The following NOL10 variants were observed in gnomAD, a reference collection of about 807,000 sequenced individuals.
NOL10 encodes the protein nucleolar protein 10.
NOL10 carries 58 observed loss-of-function variants against 103.5 expected under a neutral mutation model. The observed-to-expected ratio is 0.56, with a 90% confidence interval of 0.45 to 0.70. The LOEUF (loss-of-function observed/expected upper bound fraction) is 0.70. NOL10 is among the 30% of genes least tolerant of loss of function. NOL10 has a pLI of 0.00. For synonymous variants in NOL10, 287 were observed against 282.5 expected, an observed-to-expected ratio of 1.02 and a Z score of -0.16; for missense variants, 763 against 807.3, an observed-to-expected ratio of 0.95 and a Z score of 0.67.
At chr2:10,584,434 A>G (rs1231440212) in intron 19 of NOL10, among the ~76,000 whole-genome samples, 1 of 152,232 alleles carries the variant, frequency 6.6e-6, no homozygotes, top group African/African-American at 2.4e-5. Context: ...CTAAAGCCAT[A>G]TGACCACACC....
intron 13 of NOL10, among the ~76,000 whole-genome samples, chr2:10,636,420 C>CAAAAA (rs70953327): frequency 1.5e-4 from 8 of 54,700 alleles, no homozygotes; most frequent in Admixed American, 3.0e-4. Context: ...TACAAAAAAC[C>CAAAAA]AAAAAAAAAA....
At position 10,572,089 on chromosome 2, in the gene NOL10, T is replaced by A. The variant is rs1264638382; in HGVS notation, c.2049A>T (p.Arg683Ser). The stretch of plus-strand genomic sequence containing the variant: ...TCCCAAATCAATGAAACGACCGTCC[T>A]CTTTTGTGTCTTGACTTCAGGTGTC... ...SAGHLKSRHK[R>S]GRSFH Residue 683 changes from arginine to serine, a missense_variant, in exon 21 of 21, where the codon AGA becomes AGT. By Grantham distance (110) the Arg-to-Ser change is moderately radical. Transcript: ENST00000381685. 6.2e-7 allele frequency: 1 copy of A among 1,613,924 alleles called. No individual in the cohort carries two copies. Among genetic ancestry groups the A allele is most frequent in the Admixed American group, 1.7e-5 (1 of 60,028 alleles).
intron 9 of NOL10, among the ~76,000 whole-genome samples, chr2:10,662,740 C>T (rs540883014): frequency 6.6e-6 from 1 of 152,086 alleles, no homozygotes; most frequent in African/African-American, 2.4e-5. Flanking sequence ...TAAAATCGTA[C>T]AGCAACTAAA....
At chr2:10,681,079 T>G (rs1274728408) in intron 3 of NOL10, among the ~76,000 whole-genome samples, 1 of 152,172 alleles carries the variant, frequency 6.6e-6, no homozygotes, top group Non-Finnish European at 1.5e-5. Context: ...AACATACACC[T>G]ACCTAGGACT....
intron 13 of NOL10, among the ~76,000 whole-genome samples, chr2:10,618,251 A>AAG (rs1676942410): frequency 6.6e-6 from 1 of 151,696 alleles, no homozygotes; most frequent in Admixed American, 6.6e-5. Flanking sequence ...TTTTTAAAAA[A>AAG]AAATGAATTA....
At chr2:10,595,119 G>A (rs550902045) in intron 17 of NOL10, among the ~76,000 whole-genome samples, 1,388 of 121,856 alleles carry the variant, frequency 0.011, 11 homozygotes, top group Non-Finnish European at 0.019. Context: ...AGGACTACAG[G>A]CAAGAGGGAG....
rs758231977 is a variant in NOL10 at position 10,600,904 on chromosome 2, T to C, written c.1371A>G (p.Leu457=). 6.9e-5 allele frequency: 108 copies of C among 1,557,336 alleles called. No homozygotes were observed. The highest frequency in any genetic ancestry group is 8.6e-5 in the Non-Finnish European group (99 of 1,149,340). The change falls in exon 17 of 21, where the codon TTA becomes TTG. Residue 457 remains leucine, a synonymous_variant. Transcript: ENST00000381685. ...PKVNKELALK[L]IEEEEEKQKS... The stretch of plus-strand genomic sequence containing the variant: ...TCTGCTTCTCCTCTTCTTCCTCAAT[T>C]AATTTAAGTGCCAGCTCTTTGTTAA...
chr2:10,683,580 T>A (rs1681937439), intron 2 of NOL10, among the ~76,000 whole-genome samples: 1 of 152,206 alleles, frequency 6.6e-6, no homozygotes, highest in Non-Finnish European at 1.5e-5. Flanking sequence ...CCAGCCACTC[T>A]TACCTGAGCC....
chr2:10,680,339 GA>G, intron 3 of NOL10, among the ~76,000 whole-genome samples: 1 of 123,092 alleles, frequency 8.1e-6, no homozygotes, highest in African/African-American at 3.1e-5. Context: ...AGAGGGAGAA[GA>G]GGGAGAGGGA....
chr2:10,657,086 A>C (rs1679885906), intron 11 of NOL10, among the ~76,000 whole-genome samples: 2 of 152,192 alleles, frequency 1.3e-5, no homozygotes, highest in South Asian at 4.1e-4. Context: ...CAGGAGGTCG[A>C]GGCAGGCGGA....
intron 13 of NOL10, among the ~76,000 whole-genome samples, chr2:10,618,267 G>A (rs1243529964): frequency 5.3e-5 from 8 of 151,812 alleles, no homozygotes; most frequent in Non-Finnish European, 1.0e-4. Flanking sequence ...AATTAAGGAG[G>A]TTATTATGTC....
intron 13 of NOL10, among the ~76,000 whole-genome samples, chr2:10,618,128 C>T (rs1235529542): frequency 6.6e-6 from 1 of 151,896 alleles, no homozygotes; most frequent in Non-Finnish European, 1.5e-5. Flanking sequence ...CCTCTCACCT[C>T]AGCCTCCCGA....
At position 10,571,867 on chromosome 2, in the gene NOL10, C is replaced by T. The variant is rs570769023; in HGVS notation, c.*204G>A. 1 of 557,438 alleles carries T rather than the reference C, an allele frequency of 1.8e-6. No individual in the cohort carries two copies. The highest frequency in any genetic ancestry group is 3.2e-6 in the Non-Finnish European group (1 of 317,212). The allele number at this position is 557,438 out of a possible 1,614,324, so 34.5% of individuals were successfully genotyped here. On this transcript the variant is annotated 3_prime_UTR_variant, in exon 21 of 21. Coordinates refer to ENST00000381685, the MANE Select transcript of NOL10 (RefSeq NM_024894.4). ...GGGAGCAACGACTCGCAAGCACACC[C>T]CTGGGGCTGTGCGGTGGCCGTCGGC...
intron 13 of NOL10, among the ~76,000 whole-genome samples, chr2:10,634,894 A>G (rs1370636594): frequency 1.6e-4 from 25 of 152,342 alleles, no homozygotes; most frequent in Admixed American, 1.6e-3. Flanking sequence ...AGATAAAGTA[A>G]AATGATGTGC....
intron 13 of NOL10, among the ~76,000 whole-genome samples, chr2:10,618,534 CAA>C (rs1676960733): frequency 6.6e-6 from 1 of 152,202 alleles, no homozygotes; most frequent in African/African-American, 2.4e-5. Context: ...TTAATATTTG[CAA>C]AGTCGTGTGT....
chr2:10,597,946 T>C (rs1675782359), intron 17 of NOL10, among the ~76,000 whole-genome samples: 1 of 152,204 alleles, frequency 6.6e-6, no homozygotes, highest in Non-Finnish European at 1.5e-5. Flanking sequence ...GCCATCCTGA[T>C]AGTTAATTAG....
chr2:10,594,233 C>T (rs1220207819), intron 17 of NOL10, among the ~76,000 whole-genome samples: 1 of 152,212 alleles, frequency 6.6e-6, no homozygotes, highest in Non-Finnish European at 1.5e-5. Context: ...ACTCCCCTAG[C>T]AACTTCCCGA....
intron 1 of NOL10, among the ~76,000 whole-genome samples, chr2:10,686,845 G>C (rs1477342961): frequency 2.1e-5 from 3 of 140,520 alleles, no homozygotes; most frequent in Non-Finnish European, 3.3e-5. Context: ...TGCAGGAGGG[G>C]GAAATGTGGG....
At chr2:10,687,932 C>A (rs1682331454) in intron 1 of NOL10, among the ~76,000 whole-genome samples, 1 of 152,142 alleles carries the variant, frequency 6.6e-6, no homozygotes, top group Non-Finnish European at 1.5e-5. Context: ...AAAAAAAAAT[C>A]TTGATTCTTT....
Sources: allele counts gnomAD v4.1 joint callset (sites outside exome capture counted in the v4.1 genomes callset), GRCh38; gene constraint gnomAD v4.1.1; transcripts MANE v1.5; gene names NCBI Gene and HGNC (gene_info 2026-07-23, HGNC 2026-07-21).